Variants in METTL25 observed in about 807,000 individuals in gnomAD.
The protein encoded by METTL25 is probable methyltransferase-like protein 25.
A neutral mutation model predicts 71.6 loss-of-function variants in METTL25; 64 were observed. The ratio of observed to expected loss-of-function variants is 0.89; its 90% CI spans 0.73 to 1.10. The LOEUF (loss-of-function observed/expected upper bound fraction) is 1.10. Ranked by LOEUF, METTL25 falls within the 50% of genes least tolerant of loss-of-function variation. METTL25 has a pLI of 0.00. For synonymous variants in METTL25, 287 were observed against 250.3 expected (o/e 1.15, Z -1.38); for missense variants, 807 against 707.0 (o/e 1.14, Z -1.60).
At chr12:82,448,324 G>A (rs1890897517) in intron 8 of METTL25, among the ~76,000 whole-genome samples, 1 of 151,836 alleles carries the variant, frequency 6.6e-6, no homozygotes, top group Admixed American at 6.6e-5. Flanking sequence ...AGGGATTTAA[G>A]GATAACATTT....
At position 82,479,228 on chromosome 12, in the gene METTL25, AATAAT is replaced by A. The variant is rs1893062085; in HGVS notation, c.*209_*213del. 4.3e-6 allele frequency: 2 copies of A among 466,506 alleles called. No homozygotes were observed. Among genetic ancestry groups the A allele is most frequent in the Non-Finnish European group, 7.7e-6 (2 of 260,658 alleles). The allele number at this position is 466,506 out of a possible 1,614,324, so 28.9% of individuals were successfully genotyped here. On this transcript the variant is annotated 3_prime_UTR_variant, in exon 12 of 12. Transcript: ENST00000248306. ...CATTAATAAAAGAAGAACCTGTCATAATAATATAAAACAGTTGACCTACATTCCTG... is the reference window on the plus strand; with the variant it reads ...CATTAATAAAAGAAGAACCTGTCATAATAAAACAGTTGACCTACATTCCTG...
chr12:82,366,077 G>A (rs1188194842), intron 1 of METTL25, among the ~76,000 whole-genome samples: 10 of 151,874 alleles, frequency 6.6e-5, no homozygotes, highest in East Asian at 1.9e-4. Context: ...GTGAGATTCC[G>A]TCTCAAAAAA....
intron 8 of METTL25, among the ~76,000 whole-genome samples, chr12:82,440,194 A>G (rs1890214926): frequency 6.6e-6 from 1 of 151,754 alleles, no homozygotes; most frequent in South Asian, 2.1e-4. Context: ...ATATCTAGCC[A>G]TTCTTTAATG....
rs111391898 is a variant in METTL25, at chr12:82,427,080, TCA to T, written c.1280-3810_1280-3809del. ...TACTAAGTATCCCATTTTCTGGAAT[TCA>T]CAGTCAGTCATTATCAAAATTGCCT... On this transcript the variant is annotated intron_variant, in intron 5 of 11. Transcript: ENST00000248306. Among the ~76,000 whole-genome samples, 595 of 152,138 alleles carry T rather than the reference TCA, an allele frequency of 3.9e-3. 3 individuals are homozygous for T. The highest frequency in any genetic ancestry group is 0.014 in the African/African-American group (566 of 41,540).
chr12:82,425,870 G>T (rs1175215875), intron 5 of METTL25, among the ~76,000 whole-genome samples: 1 of 152,010 alleles, frequency 6.6e-6, no homozygotes, highest in Non-Finnish European at 1.5e-5. Context: ...GGAATAACTA[G>T]TACAATCTCT....
At chr12:82,478,681 C>T (rs965496177) in intron 11 of METTL25, among the ~76,000 whole-genome samples, 3 of 151,860 alleles carry the variant, frequency 2.0e-5, no homozygotes, top group Non-Finnish European at 3.0e-5. Context: ...TGATTGGCCA[C>T]TTCCAGTTTT....
rs1407715286 is a variant in METTL25, at chr12:82,429,107, C to T, written c.1280-1786C>T. ...AATATATTGTTGTTAACTATAGCTA[C>T]CTTGCTGTGCTATCGAATATTAAAA... On this transcript the variant is annotated intron_variant, in intron 5 of 11. Coordinates refer to ENST00000248306, the MANE Select transcript of METTL25 (RefSeq NM_032230.3). 2.0e-5 allele frequency among the ~76,000 whole-genome samples: 3 copies of T among 151,640 alleles called. No homozygotes were observed. The Admixed American group carries it at 2.0e-4, about 10-fold the overall frequency.
intron 5 of METTL25, among the ~76,000 whole-genome samples, chr12:82,409,527 A>G (rs1385763519): frequency 2.0e-5 from 3 of 152,054 alleles, no homozygotes; most frequent in Non-Finnish European, 4.4e-5. Flanking sequence ...TCAGATCCAC[A>G]CATTTTTTCT....
chr12:82,470,339 T>C (rs1892499634), intron 9 of METTL25, among the ~76,000 whole-genome samples: 1 of 152,226 alleles, frequency 6.6e-6, no homozygotes, highest in African/African-American at 2.4e-5. Context: ...TTCTCATGGC[T>C]CTGGAAATAT....
chr12:82,362,450 A>C (rs1336557002), intron 1 of METTL25, among the ~76,000 whole-genome samples: 2 of 152,298 alleles, frequency 1.3e-5, no homozygotes, highest in African/African-American at 2.4e-5. Flanking sequence ...AATTCAGCTA[A>C]TATATAGAAA....
intron 8 of METTL25, among the ~76,000 whole-genome samples, chr12:82,446,623 T>G (rs1240184124): frequency 4.7e-5 from 7 of 149,694 alleles, no homozygotes; most frequent in East Asian, 3.9e-4. Flanking sequence ...TTTTTTTTTT[T>G]TTTTTGTTTT....
At chr12:82,382,999 T>G (rs1884592674) in intron 1 of METTL25, among the ~76,000 whole-genome samples, 1 of 152,142 alleles carries the variant, frequency 6.6e-6, no homozygotes, top group Non-Finnish European at 1.5e-5. Context: ...TATGAGCCAC[T>G]ATGCCCAGCT....
chr12:82,381,420 A>G (rs955624011), intron 1 of METTL25, among the ~76,000 whole-genome samples: 1 of 152,214 alleles, frequency 6.6e-6, no homozygotes, highest in Non-Finnish European at 1.5e-5. Flanking sequence ...ATGCATGTCA[A>G]TATCTTGTTA....
At chr12:82,383,803 G>GTA (rs1230550076) in intron 1 of METTL25, among the ~76,000 whole-genome samples, 2 of 151,996 alleles carry the variant, frequency 1.3e-5, no homozygotes, top group Admixed American at 1.3e-4. Flanking sequence ...AATCCAAGGT[G>GTA]TATATATATG....
intron 9 of METTL25, among the ~76,000 whole-genome samples, 177 bp downstream of exon 9, chr12:82,456,997 TA>T (rs759793350): frequency 2.6e-5 from 4 of 151,968 alleles, no homozygotes; most frequent in Non-Finnish European, 5.9e-5. Context: ...CTTGTCATTG[TA>T]GAAAGTTTAC....
intron 9 of METTL25, among the ~76,000 whole-genome samples, chr12:82,457,618 A>G (rs894464122): frequency 6.6e-6 from 1 of 152,032 alleles, no homozygotes; most frequent in Non-Finnish European, 1.5e-5. Context: ...TAAAATAGCT[A>G]TAAGAAAGCC....
intron 5 of METTL25, among the ~76,000 whole-genome samples, chr12:82,429,006 A>G (rs1296335528): frequency 6.6e-6 from 1 of 151,902 alleles, no homozygotes; most frequent in Non-Finnish European, 1.5e-5. Context: ...TATTCAGGAT[A>G]TCCATCACTT....
chr12:82,419,200 A>AT (rs1888248219), intron 5 of METTL25, among the ~76,000 whole-genome samples: 2 of 152,094 alleles, frequency 1.3e-5, no homozygotes, highest in African/African-American at 4.8e-5. Context: ...CATATTCTGG[A>AT]TAAAAAAAAA....
At chr12:82,434,607 G>A (rs370419997) in intron 6 of METTL25, 88 bp from the exon 7 acceptor site, 11 of 1,038,170 alleles carry the variant, frequency 1.1e-5, no homozygotes, top group East Asian at 7.3e-5. Flanking sequence ...CTTTCTAAAT[G>A]TCAGTTTTAC....
Sources: gnomAD v4.1 joint callset for allele counts (sites outside exome capture counted in the v4.1 genomes callset) on GRCh38, gnomAD v4.1.1 for gene constraint, MANE v1.5 for transcripts, NCBI Gene and HGNC (gene_info 2026-07-23, HGNC 2026-07-21) for gene names.